PARD3B: variants seen among roughly 807,000 people sequenced by gnomAD.
PARD3B encodes the protein partitioning defective 3 homolog B.
Under a neutral mutation model 130.2 loss-of-function variants are expected in PARD3B, and 103 were observed. The observed-to-expected ratio is 0.79, with a 90% confidence interval of 0.67 to 0.93. PARD3B has a LOEUF of 0.93. Among genes scored for constraint, PARD3B ranks in the 40% least tolerant of loss-of-function variants. PARD3B has a pLI of 0.00. For missense variants in PARD3B, 1,609 were observed against 1,499.2 expected (o/e 1.07, Z -1.21); for synonymous variants, 583 against 553.2 (o/e 1.05, Z -0.76).
intron 22 of PARD3B, among the ~76,000 whole-genome samples, chr2:205,556,863 G>A (rs1352535069): frequency 6.6e-6 from 1 of 152,178 alleles, no homozygotes; most frequent in Non-Finnish European, 1.5e-5. Context: ...ATCAACGTAT[G>A]TGTTTTTGCA....
chr2:205,398,454 TG>T (rs1289435600), intron 18 of PARD3B, among the ~76,000 whole-genome samples: 1 of 152,022 alleles, frequency 6.6e-6, no homozygotes, highest in Non-Finnish European at 1.5e-5. Flanking sequence ...AAAACTAGAC[TG>T]GGGGATGATA....
intron 3 of PARD3B, among the ~76,000 whole-genome samples, chr2:205,030,078 T>C (rs1697313294): frequency 6.6e-6 from 1 of 152,162 alleles, no homozygotes; most frequent in Non-Finnish European, 1.5e-5. Context: ...CAGTCCAATA[T>C]CTTCTATGCC....
intron 15 of PARD3B, among the ~76,000 whole-genome samples, chr2:205,202,282 A>G (rs978822825): frequency 6.6e-5 from 10 of 152,240 alleles, no homozygotes; most frequent in Admixed American, 5.9e-4. Context: ...TTTAAAATTC[A>G]TTAAAATAAC....
chr2:205,417,395 C>T (rs1022368214), intron 19 of PARD3B, among the ~76,000 whole-genome samples: 5 of 152,030 alleles, frequency 3.3e-5, no homozygotes, highest in African/African-American at 7.3e-5. Flanking sequence ...AACATACGTG[C>T]ACATGTGTCT....
At chr2:205,261,946 C>A (rs577975792) in intron 16 of PARD3B, among the ~76,000 whole-genome samples, 2 of 152,230 alleles carry the variant, frequency 1.3e-5, no homozygotes, top group South Asian at 4.1e-4. Flanking sequence ...CATGAGAAGG[C>A]TGTTTGATAA....
At chr2:204,670,659 G>GT (rs1252606039) in intron 1 of PARD3B, among the ~76,000 whole-genome samples, 1 of 152,032 alleles carries the variant, frequency 6.6e-6, no homozygotes, top group Non-Finnish European at 1.5e-5. Context: ...CAAGCTATAC[G>GT]TTTTTTTCTC....
intron 1 of PARD3B, among the ~76,000 whole-genome samples, chr2:204,582,378 G>A (rs1559168415): frequency 6.6e-6 from 1 of 152,110 alleles, no homozygotes; most frequent in Non-Finnish European, 1.5e-5. Context: ...AATTTGCCTG[G>A]CACTGTCATT....
intron 21 of PARD3B, among the ~76,000 whole-genome samples, chr2:205,538,243 A>C (rs983288858): frequency 6.6e-6 from 1 of 152,196 alleles, no homozygotes; most frequent in Admixed American, 6.5e-5. Context: ...AAAAGAGAAT[A>C]GTTCTGTCTG....
intron 16 of PARD3B, among the ~76,000 whole-genome samples, chr2:205,295,713 G>T: frequency 6.6e-6 from 1 of 152,104 alleles, no homozygotes. Context: ...TTTATTGTGA[G>T]ATTTTTAATG....
intron 2 of PARD3B, among the ~76,000 whole-genome samples, chr2:204,787,822 A>G (rs1208682003): frequency 6.6e-6 from 1 of 152,190 alleles, no homozygotes; most frequent in Non-Finnish European, 1.5e-5. Context: ...GGACAGTAGT[A>G]TTCTATTTTC....
intron 3 of PARD3B, among the ~76,000 whole-genome samples, chr2:205,029,766 G>A (rs1397481): frequency 0.23 from 34,812 of 151,982 alleles, 4,540 homozygotes; most frequent in South Asian, 0.47. Flanking sequence ...TTCAGTAAGT[G>A]CCTGGACAAA....
intron 1 of PARD3B, among the ~76,000 whole-genome samples, chr2:204,676,666 G>GTTT (rs59424538): frequency 2.2e-5 from 2 of 92,320 alleles, no homozygotes; most frequent in African/African-American, 3.9e-5. Flanking sequence ...CTCTATGATT[G>GTTT]TTTTTTTTTT....
At chr2:205,512,786 A>G (rs539227881) in intron 21 of PARD3B, among the ~76,000 whole-genome samples, 1 of 152,106 alleles carries the variant, frequency 6.6e-6, no homozygotes, top group Non-Finnish European at 1.5e-5. Flanking sequence ...TATGAGAAAG[A>G]CAATCCCCAT....
At chr2:204,655,104 A>G (rs2035599344) in intron 1 of PARD3B, among the ~76,000 whole-genome samples, 4 of 152,188 alleles carry the variant, frequency 2.6e-5, no homozygotes, top group Admixed American at 2.0e-4. Context: ...GACTTTAGAG[A>G]CATGTCATCA....
chr2:205,568,819 A>G lies in PARD3B; in HGVS notation c.3260+15416A>G, dbSNP rs575100867. 5.3e-5 allele frequency among the ~76,000 whole-genome samples: 8 copies of G among 152,314 alleles called. No homozygotes were observed. The highest frequency in any genetic ancestry group is 1.9e-4 in the African/African-American group (8 of 41,570). On this transcript the variant is annotated intron_variant, in intron 22 of 22. Coordinates refer to ENST00000406610, the MANE Select transcript of PARD3B (RefSeq NM_001302769.2). This position sits in a 1 kb window ranked among gnomAD's most constrained non-coding sequence, Gnocchi z 5.3. ...ATGCTAAGACACTAGCGCTGTATCT[A>G]TGAAGCCTGTAAAACTGGATCAGTC...
At chr2:205,531,235 A>C (rs971843722) in intron 21 of PARD3B, among the ~76,000 whole-genome samples, 7 of 152,166 alleles carry the variant, frequency 4.6e-5, no homozygotes, top group Admixed American at 2.6e-4. Context: ...GCTCCTCATT[A>C]GAGACAATTA....
At chr2:205,033,324 A>T (rs1418458335) in intron 3 of PARD3B, among the ~76,000 whole-genome samples, 19 of 152,232 alleles carry the variant, frequency 1.2e-4, no homozygotes, top group Non-Finnish European at 1.5e-5. Flanking sequence ...TCATATATTT[A>T]TAAGTTACAA....
intron 11 of PARD3B, among the ~76,000 whole-genome samples, chr2:205,170,510 G>C (rs576144369): frequency 6.6e-6 from 1 of 152,262 alleles, no homozygotes; most frequent in South Asian, 2.1e-4. Flanking sequence ...CCCCGAGTGG[G>C]TGTGTCCTCC....
At chr2:205,607,765 G>T (rs1488382489) in intron 22 of PARD3B, among the ~76,000 whole-genome samples, 1 of 151,088 alleles carries the variant, frequency 6.6e-6, no homozygotes, top group Non-Finnish European at 1.5e-5. Context: ...TAAGACAATT[G>T]CCGTGGCAGG....
Sources: gnomAD v4.1 joint callset for allele counts (sites outside exome capture counted in the v4.1 genomes callset) on GRCh38, gnomAD v4.1.1 for gene constraint, Gnocchi (gnomAD v3.1) non-coding constraint, MANE v1.5 for transcripts, NCBI Gene and HGNC (gene_info 2026-07-23, HGNC 2026-07-21) for gene names.